The following MAP2 variants were observed in gnomAD, a reference collection of about 807,000 sequenced individuals.
The protein encoded by MAP2 is microtubule-associated protein 2.
Under a neutral mutation model 137.6 loss-of-function variants are expected in MAP2, and 14 were observed. That is an observed-to-expected ratio of 0.10 (90% CI 0.07 to 0.16). The LOEUF is 0.16. MAP2 is among the 10% of genes least tolerant of loss of function. The pLI is 1.00. For synonymous variants in MAP2, 786 were observed against 782.3 expected (o/e 1.00, Z -0.08); for missense variants, 2,088 against 2,191.5 (o/e 0.95, Z 0.94).
chr2:209,595,560 A>G (rs1400230635), intron 3 of MAP2, among the ~76,000 whole-genome samples: 1 of 152,210 alleles, frequency 6.6e-6, no homozygotes, highest in Non-Finnish European at 1.5e-5. Flanking sequence ...TGATTCCTCA[A>G]GGATCTAGAA....
At chr2:209,678,017 G>A (rs1583191405) in intron 5 of MAP2, among the ~76,000 whole-genome samples, 1 of 151,756 alleles carries the variant, frequency 6.6e-6, no homozygotes, top group African/African-American at 2.4e-5. Flanking sequence ...AAGCACACAA[G>A]CTTATATAAA....
At chr2:209,641,489 T>C (rs529368827) in intron 4 of MAP2, among the ~76,000 whole-genome samples, 1 of 151,994 alleles carries the variant, frequency 6.6e-6, no homozygotes, top group South Asian at 2.1e-4. Flanking sequence ...AGTTTATTTG[T>C]TCAATGGCTC....
At chr2:209,729,205 G>A (rs2153818222) in intron 14 of MAP2, among the ~76,000 whole-genome samples, 1 of 152,266 alleles carries the variant, frequency 6.6e-6, no homozygotes, top group Non-Finnish European at 1.5e-5. Context: ...TCAGATCAAG[G>A]TCAGCGTCAT....
chr2:209,670,989 C>T (rs891349261), intron 5 of MAP2, among the ~76,000 whole-genome samples: 6 of 151,972 alleles, frequency 3.9e-5, no homozygotes, highest in Non-Finnish European at 8.8e-5. Context: ...AATTTAAGTA[C>T]CCATCAGAGC....
At chr2:209,687,156 C>A (rs1413305445) in intron 7 of MAP2, among the ~76,000 whole-genome samples, 1 of 150,608 alleles carries the variant, frequency 6.6e-6, no homozygotes, top group African/African-American at 2.5e-5. Flanking sequence ...TTAAAAATGA[C>A]TTTCTGGTTA....
chr2:209,710,742 A>T (rs1032651793), intron 13 of MAP2: 1 of 158,490 alleles, frequency 6.3e-6, no homozygotes, highest in African/African-American at 2.4e-5. Flanking sequence ...AATTCTGGCT[A>T]CTATTGCCTA....
chr2:209,503,451 C>G (rs903736731), intron 1 of MAP2, among the ~76,000 whole-genome samples: 1 of 151,898 alleles, frequency 6.6e-6, no homozygotes, highest in Non-Finnish European at 1.5e-5. Context: ...GATGTCTGAG[C>G]TCTTGGTGTC....
intron 1 of MAP2, among the ~76,000 whole-genome samples, chr2:209,456,635 C>T (rs1400581479): frequency 6.6e-6 from 1 of 152,112 alleles, no homozygotes; most frequent in East Asian, 1.9e-4. Flanking sequence ...TTTCTCTGTT[C>T]CATTTATTGC....
At position 209,733,460 on chromosome 2, in the gene MAP2, C is replaced by CCACACACACACACACACACACACA. The variant is rs112861196; in HGVS notation, c.*3073_*3096dup. ...AATGTACTGATTGTAGTGACCTTCT[C>CCACACACACACACACACACACACA]CACACACACACACACACACACACAC... is the stretch of plus-strand genomic sequence containing the variant. On this transcript the variant is annotated 3_prime_UTR_variant, in exon 16 of 16. Coordinates refer to ENST00000682079, the MANE Select transcript of MAP2 (RefSeq NM_001375505.1). 36 of 148,214 alleles carry CCACACACACACACACACACACACA rather than the reference C, an allele frequency of 2.4e-4. No individual in the cohort carries two copies. Among genetic ancestry groups the CCACACACACACACACACACACACA allele is most frequent in the African/African-American group, 7.0e-4 (28 of 40,164 alleles). 9.2% of individuals were successfully genotyped at this position (148,214 alleles called of 1,614,324 possible). A position where few individuals can be genotyped will look rare whatever the true frequency, so the allele number is the denominator to read the frequency against.
intron 1 of MAP2, among the ~76,000 whole-genome samples, chr2:209,463,922 C>T (rs1399316881): frequency 6.6e-6 from 1 of 152,074 alleles, no homozygotes; most frequent in Non-Finnish European, 1.5e-5. Flanking sequence ...AACTAGCTCT[C>T]AGTCGCTAGA....
At chr2:209,466,902 C>G (rs1233487441) in intron 1 of MAP2, among the ~76,000 whole-genome samples, 1 of 152,156 alleles carries the variant, frequency 6.6e-6, no homozygotes, top group Non-Finnish European at 1.5e-5. Flanking sequence ...TCTCTTTTCC[C>G]ACTAACCCCT....
At chr2:209,431,852 A>G (rs1694361241) in intron 1 of MAP2, among the ~76,000 whole-genome samples, 1 of 152,188 alleles carries the variant, frequency 6.6e-6, no homozygotes, top group Admixed American at 6.5e-5. Context: ...TCGGAATTCT[A>G]GGGTTATTCC....
chr2:209,678,774 C>G, intron 6 of MAP2, 89 bp downstream of exon 6: 2 of 629,592 alleles, frequency 3.2e-6, no homozygotes, highest in Non-Finnish European at 2.6e-6. Context: ...TAGGCCATAT[C>G]TTGTACTTCA....
chr2:209,696,663 G>T lies in MAP2; in HGVS notation c.4302G>T (p.Gly1434=). 1.2e-6 allele frequency: 2 copies of T among 1,613,926 alleles called. No homozygotes were observed. Among genetic ancestry groups the T allele is most frequent in the Non-Finnish European group, 1.7e-6 (2 of 1,179,936 alleles). Residue 1434 remains glycine, a synonymous_variant, in exon 9 of 16, where the codon GGG becomes GGT. Coordinates refer to ENST00000682079, the MANE Select transcript of MAP2 (RefSeq NM_001375505.1). ...KHRKEKPFKT[G]RGRISTPERK... is the part of the protein sequence containing the mutation. The stretch of plus-strand genomic sequence containing the variant: ...GAAAAGAAAAGCCTTTTAAAACCGG[G>T]AGAGGCAGAATTTCCACTCCTGAAA...
At chr2:209,623,048 A>G (rs1170979753) in intron 3 of MAP2, among the ~76,000 whole-genome samples, 1 of 152,168 alleles carries the variant, frequency 6.6e-6, no homozygotes, top group Non-Finnish European at 1.5e-5. Context: ...TTTTGGAAAG[A>G]CTAAAAGACA....
At chr2:209,686,121 C>T (rs2056917047) in intron 7 of MAP2, among the ~76,000 whole-genome samples, 1 of 152,154 alleles carries the variant, frequency 6.6e-6, no homozygotes, top group Admixed American at 6.5e-5. Flanking sequence ...ATGATTCAGT[C>T]AGTGTTGTAG....
At chr2:209,678,779 A>G in intron 6 of MAP2, 94 bp downstream of exon 6, 1 of 593,064 alleles carries the variant, frequency 1.7e-6, no homozygotes, top group Non-Finnish European at 2.8e-6. Flanking sequence ...CATATCTTGT[A>G]CTTCATCCTT....
intron 3 of MAP2, among the ~76,000 whole-genome samples, chr2:209,596,761 C>T (rs571199371): frequency 7.2e-5 from 11 of 152,264 alleles, no homozygotes; most frequent in East Asian, 1.9e-4. Flanking sequence ...AAACATGAAG[C>T]GCTAACTCAA....
chr2:209,582,841 T>TATC (rs751750869), intron 3 of MAP2, among the ~76,000 whole-genome samples: 18 of 152,148 alleles, frequency 1.2e-4, no homozygotes, highest in Non-Finnish European at 2.1e-4. Flanking sequence ...TGACGGACAG[T>TATC]ATCCTAAGTC....
Sources: allele counts gnomAD v4.1 joint callset (sites outside exome capture counted in the v4.1 genomes callset), GRCh38; gene constraint gnomAD v4.1.1; transcripts MANE v1.5; gene names NCBI Gene and HGNC (gene_info 2026-07-23, HGNC 2026-07-21).